The following ZNF670 variants were observed in gnomAD, a reference collection of about 807,000 sequenced individuals.
The protein encoded by ZNF670 is zinc finger protein 670.
A neutral mutation model predicts 10.9 loss-of-function variants in ZNF670; 7 were observed. The ratio of observed to expected loss-of-function variants is 0.64; its 90% CI spans 0.36 to 1.20. The LOEUF (loss-of-function observed/expected upper bound fraction) is 1.20, where lower values mean the gene tolerates loss of function less well. Among genes scored for constraint, ZNF670 ranks in the 50% most tolerant of loss-of-function variants. The probability of loss-of-function intolerance (pLI) is 0.02; values close to 1 mark genes in which losing one functional copy is unlikely to be tolerated. For synonymous variants in ZNF670, 136 were observed against 152.7 expected (o/e 0.89, Z 0.81); for missense variants, 446 against 458.6 (o/e 0.97, Z 0.25).
At chr1:247,055,733 G>A (rs1297382814) in intron 1 of ZNF670, among the ~76,000 whole-genome samples, 1 of 151,874 alleles carries the variant, frequency 6.6e-6, no homozygotes, top group Admixed American at 6.6e-5. Context: ...GTGCTTCAAT[G>A]AATATAAAAA....
intron 1 of ZNF670, among the ~76,000 whole-genome samples, chr1:247,055,831 A>G (rs1336577389): frequency 2.6e-5 from 4 of 152,236 alleles, no homozygotes; most frequent in South Asian, 2.1e-4. Flanking sequence ...AGGATATTCC[A>G]TATCAATAGA....
chr1:247,068,865 G>T (rs565060306), intron 1 of ZNF670, among the ~76,000 whole-genome samples: 1 of 145,920 alleles, frequency 6.9e-6, no homozygotes, highest in Non-Finnish European at 1.5e-5. Context: ...AGATCCAGTC[G>T]TTTGCAGCAA....
intron 1 of ZNF670, among the ~76,000 whole-genome samples, chr1:247,058,915 A>G (rs1489074879): frequency 2.0e-5 from 3 of 152,178 alleles, no homozygotes; most frequent in Non-Finnish European, 4.4e-5. Flanking sequence ...ACAAGGCTGA[A>G]GACCCAGATG....
intron 1 of ZNF670, among the ~76,000 whole-genome samples, chr1:247,059,008 C>T (rs1670789552): frequency 1.3e-5 from 2 of 152,128 alleles, no homozygotes; most frequent in African/African-American, 4.8e-5. Context: ...AAGCAGAGTA[C>T]ACACTTCCTA....
At chr1:247,069,933 G>A (rs1160618557) in intron 1 of ZNF670, among the ~76,000 whole-genome samples, 1 of 152,100 alleles carries the variant, frequency 6.6e-6, no homozygotes, top group Non-Finnish European at 1.5e-5. Context: ...GCATGTGACA[G>A]CACAACAGGA....
In ZNF670 at chr1:247,038,836, G is replaced by A. The variant is rs1239139673; in HGVS notation, c.165C>T (p.Asp55=). The part of the protein sequence containing the change: ...NKSEDQNIQD[D]FKNPGRNLSS... ...TTAGATTTCTCCCAGGATTTTTGAA[G>A]TCATCTTGGATATTCTGGTCTTCTG... Residue 55 remains aspartate, a synonymous_variant, in exon 3 of 4, where the codon GAC becomes GAT. Transcript: ENST00000366503. The A allele has an allele frequency of 2.5e-6, 4 of 1,612,730 alleles. No homozygotes were observed. In the African/African-American group the frequency reaches 5.3e-5, roughly 22 times the overall value.
At chr1:247,042,973 A>G in intron 1 of ZNF670, 1 of 726,502 alleles carries the variant, frequency 1.4e-6, no homozygotes, top group Non-Finnish European at 2.5e-6. Context: ...ATCCTTCAAC[A>G]ACCAGAGTGA....
At chr1:247,044,121 T>C (rs562508250) in intron 1 of ZNF670, 1 of 157,868 alleles carries the variant, frequency 6.3e-6, no homozygotes, top group Non-Finnish European at 1.4e-5. Flanking sequence ...CAGAACTATG[T>C]ATGTGTCTTA....
chr1:247,077,543 C>T (rs1185310920), intron 1 of ZNF670, among the ~76,000 whole-genome samples: 1 of 152,046 alleles, frequency 6.6e-6, no homozygotes, highest in East Asian at 1.9e-4. Flanking sequence ...TTATTTTCTG[C>T]TTTCCACTCA....
chr1:247,078,312 CCT>C (rs1473715372), intron 1 of ZNF670, among the ~76,000 whole-genome samples: 4 of 152,242 alleles, frequency 2.6e-5, no homozygotes, highest in African/African-American at 9.6e-5. Context: ...GGGACTCTCC[CCT>C]GAGGACCCTC....
intron 2 of ZNF670, among the ~76,000 whole-genome samples, chr1:247,039,160 G>C (rs995295585): frequency 6.7e-6 from 1 of 148,612 alleles, no homozygotes; most frequent in African/African-American, 2.5e-5. Context: ...CTAGGTTCCA[G>C]CAATTAACCT....
At chr1:247,045,442 G>T (rs536982268) in intron 1 of ZNF670, among the ~76,000 whole-genome samples, 1 of 152,044 alleles carries the variant, frequency 6.6e-6, no homozygotes, top group African/African-American at 2.4e-5. Flanking sequence ...AGGAGAGCCG[G>T]GTATTTAAGA....
At chr1:247,043,803 AT>A in intron 1 of ZNF670, 1 of 366,606 alleles carries the variant, frequency 2.7e-6, no homozygotes, top group Middle Eastern at 4.8e-4. Context: ...GGTTTGATCC[AT>A]TTACTGTTCC....
In ZNF670 at chr1:247,038,823, C is replaced by A. The variant is rs140378158; in HGVS notation, c.178G>T (p.Gly60Trp). Residue 60 changes from glycine (G) to tryptophan (W), a missense_variant, in exon 3 of 4, where the codon GGG (glycine) becomes TGG (tryptophan). Gly to Trp is a radical substitution (Grantham distance 184). Coordinates refer to ENST00000366503, the MANE Select transcript of ZNF670 (RefSeq NM_033213.5). Reference sequence around the variant, plus strand: ...AATGCAAATTACCTTAGATTTCTCCCAGGATTTTTGAAGTCATCTTGGATA... The same window carrying A: ...AATGCAAATTACCTTAGATTTCTCCAAGGATTTTTGAAGTCATCTTGGATA... ...QNIQDDFKNP[G>W]RNLSSHVVER... 1.2e-5 allele frequency: 20 copies of A among 1,612,488 alleles called. No individual in the cohort carries two copies. Among genetic ancestry groups the A allele is most frequent in the Admixed American group, 1.7e-5 (1 of 59,962 alleles).
Position 247,078,807 on chromosome 1 carries a change from A to G in ZNF670, c.-211T>C, listed in dbSNP as rs1335128778. On this transcript the variant is annotated 5_prime_UTR_variant, in exon 1 of 4. Coordinates refer to ENST00000366503, the MANE Select transcript of ZNF670 (RefSeq NM_033213.5). ...GCTCCCTCCTTTCGCGGCGCGCTTGAGAGTACAGTCCCCTTCCCAGCGCCC... is the reference window on the plus strand; with the variant it reads ...GCTCCCTCCTTTCGCGGCGCGCTTGGGAGTACAGTCCCCTTCCCAGCGCCC... 2 of 589,520 alleles carry G rather than the reference A, an allele frequency of 3.4e-6. No homozygotes were observed. Among genetic ancestry groups the G allele is most frequent in the South Asian group, 2.0e-5 (1 of 48,954 alleles). 36.5% of individuals were successfully genotyped at this position (589,520 alleles called of 1,614,324 possible).
rs372117290 is a variant in ZNF670 at position 247,037,240 on chromosome 1, G to A, written c.*209C>T. ...AATAAAGTGTTCTAACACATTTTTC[G>A]TATTTTATGACGTTCTTTCCCAGGA... On this transcript the variant is annotated 3_prime_UTR_variant, in exon 4 of 4. Transcript: ENST00000366503. The A allele has an allele frequency of 6.3e-4, 308 of 485,580 alleles. 3 individuals are homozygous for A. The highest frequency in any genetic ancestry group is 5.3e-3 in the African/African-American group (269 of 50,704). 30.1% of individuals were successfully genotyped at this position (485,580 alleles called of 1,614,324 possible).
chr1:247,077,766 G>A (rs1483377674), intron 1 of ZNF670, among the ~76,000 whole-genome samples: 1 of 152,232 alleles, frequency 6.6e-6, no homozygotes, highest in African/African-American at 2.4e-5. Flanking sequence ...GGTCGTTGAT[G>A]TGAGATCCTG....
chr1:247,059,403 G>A (rs771134638), intron 1 of ZNF670, among the ~76,000 whole-genome samples: 8 of 151,984 alleles, frequency 5.3e-5, no homozygotes, highest in African/African-American at 7.2e-5. Context: ...CTGAGATCGC[G>A]CCACTGCACT....
In ZNF670 at chr1:247,068,942, G is replaced by A. The variant is rs114925971; in HGVS notation, c.3+9652C>T. Among the ~76,000 whole-genome samples the A allele has an allele frequency of 6.5e-3, 963 of 149,258 alleles. 62 individuals carry two copies. The highest frequency in any genetic ancestry group is 0.023 in the African/African-American group (903 of 39,522). ...AGCCAGGCACAGAAAAACAAATATC[G>A]CATGTTCTCACTTATCTGTGGGATA... On this transcript the variant is annotated intron_variant, in intron 1 of 3. Transcript: ENST00000366503.
Sources: gnomAD v4.1 joint callset for allele counts (sites outside exome capture counted in the v4.1 genomes callset) on GRCh38, gnomAD v4.1.1 for gene constraint, MANE v1.5 for transcripts, NCBI Gene and HGNC (gene_info 2026-07-23, HGNC 2026-07-21) for gene names.